NKAIN2: variants seen among roughly 807,000 people sequenced by gnomAD.
The protein encoded by NKAIN2 is sodium/potassium transporting ATPase interacting 2.
A neutral mutation model predicts 32.6 loss-of-function variants in NKAIN2; 14 were observed. The ratio of observed to expected loss-of-function variants is 0.43; its 90% CI spans 0.28 to 0.67. The LOEUF is 0.67. NKAIN2 is among the 30% of genes least tolerant of loss of function. NKAIN2 has a pLI of 0.17. For missense variants in NKAIN2, 198 were observed against 258.3 expected (o/e 0.77, Z 1.60); for synonymous variants, 80 against 87.2 (o/e 0.92, Z 0.46).
At chr6:124,490,740 A>T (rs1309503921) in intron 3 of NKAIN2, among the ~76,000 whole-genome samples, 2 of 151,784 alleles carry the variant, frequency 1.3e-5, no homozygotes, top group African/African-American at 2.4e-5. Flanking sequence ...ATAGAAATTG[A>T]TAGTATTTAG....
chr6:123,919,223 A>G (rs1466067876), intron 1 of NKAIN2, among the ~76,000 whole-genome samples: 1 of 152,136 alleles, frequency 6.6e-6, no homozygotes, highest in Non-Finnish European at 1.5e-5. Context: ...ATATATACAT[A>G]TGCACATTTT....
chr6:124,131,198 G>A (rs898778186), intron 1 of NKAIN2, among the ~76,000 whole-genome samples: 1 of 152,136 alleles, frequency 6.6e-6, no homozygotes, highest in Non-Finnish European at 1.5e-5. Flanking sequence ...AGGCTGGAGT[G>A]CAATGACATG....
At chr6:124,169,033 A>G (rs1788712307) in intron 1 of NKAIN2, among the ~76,000 whole-genome samples, 1 of 152,144 alleles carries the variant, frequency 6.6e-6, no homozygotes, top group Non-Finnish European at 1.5e-5. Context: ...TTTTGACATC[A>G]GTATTTCTCA....
chr6:124,771,397 C>T (rs1583832775), intron 4 of NKAIN2, among the ~76,000 whole-genome samples: 1 of 152,016 alleles, frequency 6.6e-6, no homozygotes, highest in Non-Finnish European at 1.5e-5. Context: ...GGTGTGTTTT[C>T]CTAGGATATG....
intron 1 of NKAIN2, among the ~76,000 whole-genome samples, chr6:123,805,677 A>G (rs1403481652): frequency 6.6e-6 from 1 of 152,212 alleles, no homozygotes; most frequent in Non-Finnish European, 1.5e-5. Flanking sequence ...AATAAAGCTA[A>G]CCAAAACAAT....
chr6:123,964,544 T>C lies in NKAIN2; in HGVS notation c.54+160290T>C, dbSNP rs565990729. 6.4e-4 allele frequency among the ~76,000 whole-genome samples: 97 copies of C among 152,278 alleles called. No individual in the cohort carries two copies. The highest frequency in any genetic ancestry group is 2.2e-3 in the African/African-American group (90 of 41,554). Reference sequence around the variant, plus strand: ...ATCATCTCATTTCTATATCATATTATTTCCTCATTTTCCTACAGAAAGGAC... The same window carrying C: ...ATCATCTCATTTCTATATCATATTACTTCCTCATTTTCCTACAGAAAGGAC... On this transcript the variant is annotated intron_variant, in intron 1 of 6. Transcript: ENST00000368417. This position sits in a 1 kb window ranked among gnomAD's most constrained non-coding sequence, Gnocchi z 4.0.
At chr6:124,790,174 T>A (rs1421914520) in intron 4 of NKAIN2, among the ~76,000 whole-genome samples, 2 of 152,106 alleles carry the variant, frequency 1.3e-5, no homozygotes, top group African/African-American at 4.8e-5. Flanking sequence ...AATTAGGGAC[T>A]TAAAAGTTTC....
chr6:124,591,626 G>T (rs970601082), intron 3 of NKAIN2, among the ~76,000 whole-genome samples: 1 of 151,992 alleles, frequency 6.6e-6, no homozygotes, highest in Non-Finnish European at 1.5e-5. Flanking sequence ...GGGTTCTATT[G>T]TTCATATAGT....
chr6:124,494,045 A>C (rs1432940206), intron 3 of NKAIN2, among the ~76,000 whole-genome samples: 2 of 152,046 alleles, frequency 1.3e-5, no homozygotes, highest in Admixed American at 1.3e-4. Context: ...AAGGACTCCA[A>C]CCATAACAAC....
At chr6:124,622,543 T>C (rs1434246558) in intron 3 of NKAIN2, among the ~76,000 whole-genome samples, 1 of 152,194 alleles carries the variant, frequency 6.6e-6, no homozygotes, top group East Asian at 1.9e-4. Context: ...CTCTGCCTTT[T>C]TGCAAGGGCA....
At chr6:124,788,576 G>A (rs1300639777) in intron 4 of NKAIN2, among the ~76,000 whole-genome samples, 1 of 152,088 alleles carries the variant, frequency 6.6e-6, no homozygotes, top group Non-Finnish European at 1.5e-5. Flanking sequence ...TGGCAGCAAG[G>A]AGAAGAATGA....
At chr6:124,627,147 G>A (rs1783384596) in intron 3 of NKAIN2, among the ~76,000 whole-genome samples, 1 of 152,046 alleles carries the variant, frequency 6.6e-6, no homozygotes, top group African/African-American at 2.4e-5. Flanking sequence ...GTGCGCAGCT[G>A]TAATCCCAGC....
intron 4 of NKAIN2, among the ~76,000 whole-genome samples, chr6:124,773,719 G>T (rs777477653): frequency 1.3e-5 from 2 of 152,084 alleles, no homozygotes; most frequent in Non-Finnish European, 2.9e-5. Context: ...CAATAAAAGG[G>T]ACTTTTTCAT....
intron 3 of NKAIN2, among the ~76,000 whole-genome samples, chr6:124,394,271 T>C (rs1233629860): frequency 6.6e-6 from 1 of 152,188 alleles, no homozygotes; most frequent in African/African-American, 2.4e-5. Flanking sequence ...TCTCCAGCTT[T>C]TGTAGTTCTG....
At chr6:123,843,683 G>A (rs898810258) in intron 1 of NKAIN2, among the ~76,000 whole-genome samples, 1 of 152,052 alleles carries the variant, frequency 6.6e-6, no homozygotes, top group African/African-American at 2.4e-5. Context: ...CGAAATATGA[G>A]ACTTAAGAAA....
intron 2 of NKAIN2, among the ~76,000 whole-genome samples, chr6:124,292,529 G>A (rs1583001927): frequency 6.8e-6 from 1 of 147,838 alleles, no homozygotes; most frequent in African/African-American, 2.6e-5. Flanking sequence ...AATGAGAGCT[G>A]AGCAGATGAC....
rs376918059 is a variant in NKAIN2, at chr6:124,814,769, T to C, written c.536-3618T>C. Among the ~76,000 whole-genome samples the C allele has an allele frequency of 3.3e-5, 5 of 152,272 alleles. No homozygotes were observed. In the East Asian group the frequency reaches 5.8e-4, roughly 18 times the overall value. On this transcript the variant is annotated intron_variant, in intron 5 of 6. Transcript: ENST00000368417. ...CCATTTTTGGTCCTAATTCTATCCA[T>C]TGGACTTGAAGATTCATCTTGTTTT...
chr6:124,082,810 G>A (rs1784034392), intron 1 of NKAIN2, among the ~76,000 whole-genome samples: 1 of 151,950 alleles, frequency 6.6e-6, no homozygotes, highest in East Asian at 1.9e-4. Flanking sequence ...CATTTGCATT[G>A]GGAATTGAGA....
At chr6:124,786,186 A>G (rs1479239198) in intron 4 of NKAIN2, among the ~76,000 whole-genome samples, 2 of 152,056 alleles carry the variant, frequency 1.3e-5, no homozygotes, top group East Asian at 3.9e-4. Context: ...AGCTCCAAGT[A>G]AGTCTGGTGT....
Sources: gnomAD v4.1 joint callset for allele counts (sites outside exome capture counted in the v4.1 genomes callset) on GRCh38, gnomAD v4.1.1 for gene constraint, Gnocchi (gnomAD v3.1) non-coding constraint, MANE v1.5 for transcripts, NCBI Gene and HGNC (gene_info 2026-07-23, HGNC 2026-07-21) for gene names.